Variants in ROCK2 observed in about 807,000 individuals in gnomAD.
ROCK2 encodes the protein Rho associated coiled-coil containing protein kinase 2, also known as rho-associated protein kinase 2.
A neutral mutation model predicts 195.1 loss-of-function variants in ROCK2; 61 were observed. The ratio of observed to expected loss-of-function variants is 0.31; its 90% confidence interval spans 0.25 to 0.39. ROCK2 has a LOEUF of 0.39. ROCK2 is among the 10% of genes least tolerant of loss of function. The pLI is 1.00. For synonymous variants in ROCK2, 504 were observed against 545.5 expected (o/e 0.92, Z 1.06); for missense variants, 1,109 against 1,637.4 (o/e 0.68, Z 5.57).
chr2:11,254,214 C>T (rs542137014), intron 3 of ROCK2, among the ~76,000 whole-genome samples: 24 of 152,246 alleles, frequency 1.6e-4, no homozygotes, highest in African/African-American at 3.9e-4. Context: ...ACAAGGCAAC[C>T]GTATTCAGGT....
In ROCK2 at chr2:11,235,669, A is replaced by C. The variant is rs780598904; in HGVS notation, c.723+33T>G. On this transcript the variant is annotated intron_variant, in intron 5 of 32. Transcript: ENST00000315872. The surrounding 1 kb of genome is among the most constrained non-coding windows in gnomAD (Gnocchi z 4.2). ...TATTTCATTTATTTCTGTCCCTCAA[A>C]ACACTATCGTTTTAAATAATTTGCT... The C allele has an allele frequency of 3.8e-6, 6 of 1,571,640 alleles. No homozygotes were observed. The African/African-American group carries it at 8.2e-5, about 21-fold the overall frequency.
intron 1 of ROCK2, among the ~76,000 whole-genome samples, chr2:11,318,168 G>T (rs1668284982): frequency 6.6e-6 from 1 of 152,146 alleles, no homozygotes; most frequent in Non-Finnish European, 1.5e-5. Context: ...TCTAGTTCTA[G>T]ATCCCTGAGG....
intron 3 of ROCK2, among the ~76,000 whole-genome samples, chr2:11,281,210 A>T (rs1251376267): frequency 8.3e-6 from 1 of 121,176 alleles, no homozygotes; most frequent in Non-Finnish European, 1.8e-5. Flanking sequence ...TCATTATTTA[A>T]AAAAAAAAAA....
chr2:11,341,420 G>C (rs1487600126), intron 1 of ROCK2, among the ~76,000 whole-genome samples: 1 of 152,184 alleles, frequency 6.6e-6, no homozygotes, highest in Non-Finnish European at 1.5e-5. Flanking sequence ...AGTGTGCACA[G>C]GAGAAGTGAA....
intron 4 of ROCK2, among the ~76,000 whole-genome samples, chr2:11,238,149 A>C (rs1365512310): frequency 1.3e-5 from 2 of 151,378 alleles, no homozygotes; most frequent in Admixed American, 1.3e-4. Context: ...GGAAGGCATC[A>C]GGATGAAGAG....
intron 1 of ROCK2, among the ~76,000 whole-genome samples, chr2:11,337,701 C>G (rs1198736787): frequency 1.3e-5 from 2 of 151,872 alleles, no homozygotes; most frequent in Non-Finnish European, 2.9e-5. Flanking sequence ...GACCCAGTCT[C>G]AGCTCACTGC....
chr2:11,222,529 C>T (rs919864931), intron 7 of ROCK2, among the ~76,000 whole-genome samples: 3 of 152,074 alleles, frequency 2.0e-5, no homozygotes, highest in African/African-American at 2.4e-5. Flanking sequence ...GTCTAACTTT[C>T]GGCAGAGAAG....
chr2:11,328,533 C>A (rs938257717), intron 1 of ROCK2, among the ~76,000 whole-genome samples: 1 of 152,144 alleles, frequency 6.6e-6, no homozygotes, highest in East Asian at 1.9e-4. Context: ...AGAAGATAAT[C>A]ACTAGAACAT....
chr2:11,190,260 C>A (rs1263598711), intron 32 of ROCK2, among the ~76,000 whole-genome samples: 1 of 151,228 alleles, frequency 6.6e-6, no homozygotes, highest in Non-Finnish European at 1.5e-5. Flanking sequence ...TATTTACATG[C>A]AGATATGAGG....
intron 32 of ROCK2, among the ~76,000 whole-genome samples, chr2:11,189,052 AAAG>A (rs1280937559): frequency 1.3e-5 from 2 of 152,046 alleles, no homozygotes; most frequent in East Asian, 1.9e-4. Context: ...AAAAAAGAAA[AAAG>A]AAGAGAAAAA....
In ROCK2 at chr2:11,201,511, A is replaced by C. The variant is rs560096556; in HGVS notation, c.2620-98T>G. The C allele has an allele frequency of 1.7e-5, 12 of 707,662 alleles. No individual in the cohort carries two copies. The highest frequency in any genetic ancestry group is 2.5e-5 in the Non-Finnish European group (10 of 407,726). The allele number at this position is 707,662 out of a possible 1,614,324, so 43.8% of individuals were successfully genotyped here. ...ACAAAAAGGAGAATGAACACATACA[A>C]ATATTTTCTTACTGCTAAGTCCCCG... On this transcript the variant is annotated intron_variant, in intron 21 of 32. Transcript: ENST00000315872. This position sits in a 1 kb window ranked among gnomAD's most constrained non-coding sequence, Gnocchi z 4.6.
intron 3 of ROCK2, among the ~76,000 whole-genome samples, chr2:11,277,537 G>A (rs561925610): frequency 6.6e-5 from 10 of 152,160 alleles, no homozygotes; most frequent in African/African-American, 1.2e-4. Context: ...ATGCCTTTGC[G>A]TACTCATAGT....
At chr2:11,294,244 A>C (rs1452633836) in intron 1 of ROCK2, among the ~76,000 whole-genome samples, 1 of 152,202 alleles carries the variant, frequency 6.6e-6, no homozygotes, top group African/African-American at 2.4e-5. Context: ...CACATTATTG[A>C]TTTGATCAAG....
chr2:11,270,475 C>T (rs1324241045), intron 3 of ROCK2, among the ~76,000 whole-genome samples: 1 of 151,922 alleles, frequency 6.6e-6, no homozygotes, highest in African/African-American at 2.4e-5. Flanking sequence ...TCTTGTATTC[C>T]CATTACACAT....
At chr2:11,322,800 A>C (rs2060634) in intron 1 of ROCK2, among the ~76,000 whole-genome samples, 60,445 of 152,040 alleles carry the variant, frequency 0.4, 13,565 homozygotes, top group Admixed American at 0.52. Flanking sequence ...ACAGTTGTGA[A>C]GAGCTTCTTT....
chr2:11,259,759 T>TA (rs894822316), intron 3 of ROCK2, among the ~76,000 whole-genome samples: 3 of 151,334 alleles, frequency 2.0e-5, no homozygotes, highest in Non-Finnish European at 4.4e-5. Flanking sequence ...ACTTTTCTTG[T>TA]AAAAAAAATT....
chr2:11,310,616 T>C (rs569760915), intron 1 of ROCK2, among the ~76,000 whole-genome samples: 2 of 152,146 alleles, frequency 1.3e-5, no homozygotes, highest in South Asian at 2.1e-4. Context: ...TGCAAAATAA[T>C]ATTTTATATC....
chr2:11,204,286 A>C (rs140279165), intron 20 of ROCK2, among the ~76,000 whole-genome samples: 1 of 152,232 alleles, frequency 6.6e-6, no homozygotes, highest in African/African-American at 2.4e-5. Flanking sequence ...TGTATCACTC[A>C]TCTAAGTGGT....
intron 3 of ROCK2, among the ~76,000 whole-genome samples, chr2:11,267,773 C>A (rs1295531719): frequency 1.3e-5 from 2 of 148,766 alleles, no homozygotes; most frequent in African/African-American, 2.5e-5. Flanking sequence ...ACGATCTCGG[C>A]TCGCTGGGAC....
Sources: allele counts gnomAD v4.1 joint callset (sites outside exome capture counted in the v4.1 genomes callset), GRCh38; gene constraint gnomAD v4.1.1; non-coding constraint Gnocchi (gnomAD v3.1); transcripts MANE v1.5; gene names NCBI Gene and HGNC (gene_info 2026-07-23, HGNC 2026-07-21).